The following GRIN3A variants were observed in gnomAD, a reference collection of about 807,000 sequenced individuals.
GRIN3A encodes glutamate ionotropic receptor NMDA type subunit 3A.
A neutral mutation model predicts 92.4 loss-of-function variants in GRIN3A; 47 were observed. The ratio of observed to expected loss-of-function variants is 0.51; its 90% CI spans 0.40 to 0.65. The LOEUF (loss-of-function observed/expected upper bound fraction) is 0.65. Among genes scored for constraint, GRIN3A ranks in the 30% least tolerant of loss-of-function variants. The probability of loss-of-function intolerance (pLI) is 0.00; values close to 1 mark genes in which losing one functional copy is unlikely to be tolerated. For synonymous variants in GRIN3A, 527 were observed against 540.6 expected (o/e 0.97, Z 0.35); for missense variants, 1,324 against 1,393.1 (o/e 0.95, Z 0.79).
chr9:101,727,203 G>A (rs1830090796), intron 1 of GRIN3A, among the ~76,000 whole-genome samples: 1 of 152,066 alleles, frequency 6.6e-6, no homozygotes, highest in African/African-American at 2.4e-5. Flanking sequence ...CCATTCAAAG[G>A]CAAACTATCT....
chr9:101,612,597 TG>T (rs1639983011), intron 6 of GRIN3A, among the ~76,000 whole-genome samples: 1 of 152,140 alleles, frequency 6.6e-6, no homozygotes, highest in African/African-American at 2.4e-5. Context: ...TAGGTGGGTT[TG>T]TTTTTTTTTT....
At chr9:101,722,396 G>A (rs989927185) in intron 1 of GRIN3A, among the ~76,000 whole-genome samples, 15 of 152,204 alleles carry the variant, frequency 9.9e-5, no homozygotes, top group African/African-American at 2.4e-4. Flanking sequence ...ATGTGGGGTC[G>A]GAGCCCCCAC....
chr9:101,617,628 A>G (rs62577394), intron 5 of GRIN3A, among the ~76,000 whole-genome samples: 1 of 150,930 alleles, frequency 6.6e-6, no homozygotes, highest in East Asian at 1.9e-4. Flanking sequence ...TTATTTATTT[A>G]TTTTGTGTGT....
At position 101,683,299 on chromosome 9, in the gene GRIN3A, C is replaced by A. The variant is rs559085088; in HGVS notation, c.1304+3297G>T. On this transcript the variant is annotated intron_variant, in intron 2 of 8. Coordinates refer to ENST00000361820, the MANE Select transcript of GRIN3A (RefSeq NM_133445.3). Reference sequence around the variant, plus strand: ...TGACTGTGTGAGAAATGAAAACTTGCGTAACTCTGACATCCACTATTCATG... The same window carrying A: ...TGACTGTGTGAGAAATGAAAACTTGAGTAACTCTGACATCCACTATTCATG... Among the ~76,000 whole-genome samples the A allele has an allele frequency of 6.6e-5, 10 of 152,258 alleles. No individual in the cohort carries two copies. The South Asian group carries it at 1.0e-3, about 16-fold the overall frequency.
intron 1 of GRIN3A, among the ~76,000 whole-genome samples, chr9:101,720,351 G>A (rs1588297029): frequency 6.6e-6 from 1 of 152,236 alleles, no homozygotes; most frequent in Non-Finnish European, 1.5e-5. Context: ...GGCACAGTAG[G>A]CTCTCAATAA....
At chr9:101,589,253 G>A (rs746930730) in intron 6 of GRIN3A, among the ~76,000 whole-genome samples, 2 of 152,070 alleles carry the variant, frequency 1.3e-5, no homozygotes, top group South Asian at 2.1e-4. Flanking sequence ...GATTAAAGAC[G>A]TGAGCCTCTG....
chr9:101,661,672 C>G (rs10114009), intron 3 of GRIN3A, among the ~76,000 whole-genome samples: 51,099 of 151,610 alleles, frequency 0.34, 9,487 homozygotes, highest in Non-Finnish European at 0.42. Flanking sequence ...GCTGCAGTGA[C>G]TCTTTGCAAT....
intron 4 of GRIN3A, among the ~76,000 whole-genome samples, chr9:101,625,788 C>T (rs922675470): frequency 4.6e-5 from 7 of 152,140 alleles, no homozygotes; most frequent in African/African-American, 1.7e-4. Context: ...AATCAAAGTT[C>T]GACTGCCACA....
At chr9:101,597,426 G>C (rs79498734) in intron 6 of GRIN3A, among the ~76,000 whole-genome samples, 3,689 of 152,244 alleles carry the variant, frequency 0.024, 136 homozygotes, top group African/African-American at 0.084. Context: ...CATTAGACAG[G>C]TCCATTAGTG....
chr9:101,737,606 C>T lies in GRIN3A; in HGVS notation c.374G>A (p.Arg125Gln). ...GTCCACGGCAAATAGGAGGGCGTCC[C>T]GTGGCCACAGGGCCTCCGCCCTGGC... The part of the protein sequence containing the change: ...EGARAEALWP[R>Q]DALLFAVDNL... Residue 125 changes from arginine (R) to glutamine (Q), a missense_variant, in exon 1 of 9, where the codon CGG becomes CAG. Physicochemically the swap from Arg to Gln is conservative, Grantham distance 43 (BLOSUM62 1). Transcript: ENST00000361820. 2 of 1,613,660 alleles carry T rather than the reference C, an allele frequency of 1.2e-6. No individual in the cohort carries two copies. Among genetic ancestry groups the T allele is most frequent in the South Asian group, 1.1e-5 (1 of 91,078 alleles).
At chr9:101,614,304 T>C (rs1828408813) in intron 5 of GRIN3A, among the ~76,000 whole-genome samples, 1 of 152,184 alleles carries the variant, frequency 6.6e-6, no homozygotes, top group Non-Finnish European at 1.5e-5. Context: ...AGGAGATACG[T>C]ACAAAAATGT....
Position 101,650,554 on chromosome 9 carries a change from G to C in GRIN3A, c.2352+19506C>G, listed in dbSNP as rs771078715. ...CAACAGCCAGCTGATCCCAAAATAG[G>C]TAAGTAAGTTTGGACCAGGTCAACC... is the stretch of plus-strand genomic sequence containing the variant. On this transcript the variant is annotated intron_variant, in intron 3 of 8. Coordinates refer to ENST00000361820, the MANE Select transcript of GRIN3A (RefSeq NM_133445.3). Among the ~76,000 whole-genome samples the C allele has an allele frequency of 2.0e-5, 3 of 152,026 alleles. No individual in the cohort carries two copies. In the South Asian group the frequency reaches 6.2e-4, roughly 31 times the overall value.
chr9:101,593,450 A>G (rs767199481), intron 6 of GRIN3A: 2 of 152,280 alleles, frequency 1.3e-5, no homozygotes, highest in Non-Finnish European at 2.9e-5. Flanking sequence ...CAGTCTCTGC[A>G]TCTGTGAGCA....
chr9:101,630,117 C>A (rs1828691919), intron 3 of GRIN3A, among the ~76,000 whole-genome samples: 2 of 152,216 alleles, frequency 1.3e-5, no homozygotes, highest in South Asian at 4.1e-4. Context: ...TTTTTCAAGA[C>A]CTAGGTCAAA....
At chr9:101,733,581 C>T (rs1830167986) in intron 1 of GRIN3A, among the ~76,000 whole-genome samples, 1 of 152,162 alleles carries the variant, frequency 6.6e-6, no homozygotes, top group Non-Finnish European at 1.5e-5. Flanking sequence ...AAAACCAACA[C>T]AGTTGAGAGC....
At chr9:101,723,385 T>G (rs1272876077) in intron 1 of GRIN3A, among the ~76,000 whole-genome samples, 1 of 152,026 alleles carries the variant, frequency 6.6e-6, no homozygotes, top group African/African-American at 2.4e-5. Flanking sequence ...GGGCTTGTGG[T>G]CTCGCTGGCT....
chr9:101,680,575 A>T (rs1197060646), intron 2 of GRIN3A, among the ~76,000 whole-genome samples: 1 of 152,192 alleles, frequency 6.6e-6, no homozygotes, highest in Non-Finnish European at 1.5e-5. Flanking sequence ...GCACCAGCAG[A>T]GTATAATCAC....
chr9:101,730,579 C>T (rs1830126208), intron 1 of GRIN3A, among the ~76,000 whole-genome samples: 2 of 152,080 alleles, frequency 1.3e-5, no homozygotes, highest in Admixed American at 6.5e-5. Context: ...TAGCTCTGAA[C>T]TTCTCAAAAA....
At chr9:101,619,763 T>G (rs1455422146) in intron 5 of GRIN3A, among the ~76,000 whole-genome samples, 1 of 152,260 alleles carries the variant, frequency 6.6e-6, no homozygotes, top group Non-Finnish European at 1.5e-5. Flanking sequence ...ATCATTATTG[T>G]GCAGTTACGT....
Sources: gnomAD v4.1 joint callset for allele counts (sites outside exome capture counted in the v4.1 genomes callset) on GRCh38, gnomAD v4.1.1 for gene constraint, MANE v1.5 for transcripts, NCBI Gene and HGNC (gene_info 2026-07-23, HGNC 2026-07-21) for gene names.